MRC2: variants seen among roughly 807,000 people sequenced by gnomAD.
MRC2 encodes the protein C-type mannose receptor 2.
Under a neutral mutation model 206.2 loss-of-function variants are expected in MRC2, and 84 were observed. That is an observed-to-expected ratio of 0.41 (90% CI 0.34 to 0.49). The LOEUF (loss-of-function observed/expected upper bound fraction) is 0.49. Ranked by LOEUF, MRC2 falls within the 20% of genes least tolerant of loss-of-function variation. MRC2 has a pLI of 0.31. For missense variants in MRC2, 1,676 were observed against 2,001.5 expected (o/e 0.84, Z 3.10); for synonymous variants, 798 against 800.0 (o/e 1.00, Z 0.04).
rs2088882914 is a variant in MRC2, at chr17:62,675,721, G to A, written c.1570-69G>A. On this transcript the variant is annotated intron_variant, in intron 9 of 29. Transcript: ENST00000303375. This position sits in a 1 kb window ranked among gnomAD's most constrained non-coding sequence, Gnocchi z 4.1. Reference sequence around the variant, plus strand: ...GTCCCTGATGGCATCTCCCACCACAGGATTTATGGGTGAGGGTGGAGAGTC... The same window carrying A: ...GTCCCTGATGGCATCTCCCACCACAAGATTTATGGGTGAGGGTGGAGAGTC... The A allele has an allele frequency of 3.3e-5, 42 of 1,265,632 alleles. No homozygotes were observed. The South Asian group carries it at 4.6e-4, about 14-fold the overall frequency. The allele number at this position is 1,265,632 out of a possible 1,614,324, so 78.4% of individuals were successfully genotyped here. A position where few individuals can be genotyped will look rare whatever the true frequency, so the allele number is the denominator to read the frequency against.
intron 28 of MRC2, 141 bp downstream of exon 28, chr17:62,691,269 C>T: frequency 2.1e-6 from 2 of 972,742 alleles, no homozygotes; most frequent in Non-Finnish European, 2.9e-6. Context: ...GCAGCTGGGA[C>T]CCCCGGGATA....
At chr17:62,635,658 G>T (rs983343217) in intron 1 of MRC2, among the ~76,000 whole-genome samples, 1 of 152,172 alleles carries the variant, frequency 6.6e-6, no homozygotes, top group African/African-American at 2.4e-5. Flanking sequence ...GGCCTCAATT[G>T]TAAGAATGGG....
intron 1 of MRC2, among the ~76,000 whole-genome samples, chr17:62,655,721 T>TAAAAA (rs71155946): frequency 7.9e-6 from 1 of 126,160 alleles, no homozygotes; most frequent in Non-Finnish European, 1.6e-5. Context: ...TCTGTCTCTT[T>TAAAAA]AAAAAAAAAA....
Position 62,662,967 on chromosome 17 carries a change from A to T in MRC2, c.119-1581A>T, listed in dbSNP as rs1468631503. 2.6e-5 allele frequency among the ~76,000 whole-genome samples: 4 copies of T among 152,348 alleles called. No individual in the cohort carries two copies. In the East Asian group the frequency reaches 7.7e-4, roughly 29 times the overall value. ...ATAAACACTAGCAGTCGGATTCATC[A>T]TTTCAACACATGAAAAGTATCCTGG... On this transcript the variant is annotated intron_variant, in intron 1 of 29. Coordinates refer to ENST00000303375, the MANE Select transcript of MRC2 (RefSeq NM_006039.5).
At chr17:62,687,194 C>T (rs2089042411) in intron 20 of MRC2, among the ~76,000 whole-genome samples, 1 of 152,028 alleles carries the variant, frequency 6.6e-6, no homozygotes, top group Admixed American at 6.6e-5. Flanking sequence ...GAGTTTCGCT[C>T]TTGTTGCCCA....
At chr17:62,685,941 A>G (rs571144146) in intron 20 of MRC2, among the ~76,000 whole-genome samples, 1 of 152,260 alleles carries the variant, frequency 6.6e-6, no homozygotes, top group East Asian at 1.9e-4. Context: ...GTGTCCCTAT[A>G]GCATTTGGAT....
chr17:62,664,626 C>G lies in MRC2; in HGVS notation c.197C>G (p.Pro66Arg). Reference protein sequence around the residue: ...EAQGGQVRVTPACNTSLPAQR... With the variant: ...EAQGGQVRVTRACNTSLPAQR... ...CAGGGCGGGCAGGTCAGAGTCACCC[C>G]GGCTTGCAATACCAGCCTCCCTGCC... is the stretch of plus-strand genomic sequence containing the variant. The change falls in exon 2 of 30, where the codon CCG (proline) becomes CGG (arginine). Residue 66 changes from proline (P) to arginine (R), a missense_variant. This residue lies in a region of MRC2 where 318 missense variants were observed against 346.7 expected (regional missense o/e 0.92). Transcript: ENST00000303375. The surrounding 1 kb of genome is among the most constrained non-coding windows in gnomAD (Gnocchi z 4.7). The G allele has an allele frequency of 6.2e-7, 1 of 1,613,592 alleles. No homozygotes were observed. The highest frequency in any genetic ancestry group is 8.5e-7 in the Non-Finnish European group (1 of 1,180,016).
chr17:62,643,514 C>A (rs1428418960), intron 1 of MRC2, among the ~76,000 whole-genome samples: 1 of 151,986 alleles, frequency 6.6e-6, no homozygotes, highest in African/African-American at 2.4e-5. Context: ...GGATCTGTAA[C>A]AAACATGGCA....
At chr17:62,655,062 G>T (rs916074577) in intron 1 of MRC2, among the ~76,000 whole-genome samples, 4 of 152,206 alleles carry the variant, frequency 2.6e-5, no homozygotes, top group Non-Finnish European at 5.9e-5. Context: ...GAGGCAGGCG[G>T]ATCACGAGGT....
chr17:62,669,085 A>AACACACACAC (rs72222842), intron 6 of MRC2, among the ~76,000 whole-genome samples: 42 of 143,164 alleles, frequency 2.9e-4, no homozygotes, highest in South Asian at 9.2e-4. Context: ...AAAATATGGC[A>AACACACACAC]ACACACACAC....
In MRC2 at chr17:62,664,919, G is replaced by C. The variant is rs781229980; in HGVS notation, c.490G>C (p.Glu164Gln). The C allele has an allele frequency of 1.9e-6, 3 of 1,611,350 alleles. No homozygotes were observed. The highest frequency in any genetic ancestry group is 2.5e-6 in the Non-Finnish European group (3 of 1,179,754). The change falls in exon 2 of 30, where the codon GAG becomes CAG. Residue 164 changes from glutamate (E) to glutamine (Q), a missense_variant. This residue lies in a region of MRC2 where 318 missense variants were observed against 346.7 expected (regional missense o/e 0.92). Coordinates refer to ENST00000303375, the MANE Select transcript of MRC2 (RefSeq NM_006039.5). The surrounding 1 kb of genome is among the most constrained non-coding windows in gnomAD (Gnocchi z 4.7). ...TGGCCAGTGGCGCATCTACGGCAGC[G>C]AGGAGGACCTATGTGCTCTGCCCTA... ...RSGQWRIYGS[E>Q]EDLCALPYHE...
intron 20 of MRC2, among the ~76,000 whole-genome samples, chr17:62,685,191 AC>A (rs2089018329): frequency 2.0e-5 from 3 of 152,038 alleles, no homozygotes; most frequent in African/African-American, 7.2e-5. Context: ...CACCTCTTCT[AC>A]CTTAAAAAAT....
Position 62,680,661 on chromosome 17 carries a change from G to T in MRC2, c.2474-139G>T, listed in dbSNP as rs1274380364. On this transcript the variant is annotated intron_variant, in intron 16 of 29. Coordinates refer to ENST00000303375, the MANE Select transcript of MRC2 (RefSeq NM_006039.5). The surrounding 1 kb of genome is among the most constrained non-coding windows in gnomAD (Gnocchi z 4.8). ...AAGCCTGGGGCCTGGGGCCTGGCAC[G>T]GTGCCTGCCTGGGTCCGGTGTGCCT... 1.6e-6 allele frequency: 2 copies of T among 1,286,036 alleles called. No homozygotes were observed. Among genetic ancestry groups the T allele is most frequent in the Admixed American group, 2.9e-5 (1 of 34,682 alleles). The allele number at this position is 1,286,036 out of a possible 1,614,324, so 79.7% of individuals were successfully genotyped here.
rs779047023 is a variant in MRC2, at chr17:62,664,885, G to C, written c.456G>C (p.Gln152His). 6 of 1,613,500 alleles carry C rather than the reference G, an allele frequency of 3.7e-6. No homozygotes were observed. Among genetic ancestry groups the C allele is most frequent in the Non-Finnish European group, 5.1e-6 (6 of 1,180,010 alleles). ...CTGGCACCCTTGAGCGTGGTGACCA[G>C]ACCCGCAGTGGCCAGTGGCGCATCT... The part of the protein sequence containing the change: ...SKPGTLERGD[Q>H]TRSGQWRIYG... Residue 152 changes from glutamine (Q) to histidine (H), a missense_variant, in exon 2 of 30, where the codon CAG becomes CAC. Around this residue, in one of 3 missense-constraint regions of MRC2, gnomAD observed 318 missense variants for 346.7 expected, o/e 0.92. Transcript: ENST00000303375. The surrounding 1 kb of genome is among the most constrained non-coding windows in gnomAD (Gnocchi z 4.7).
chr17:62,676,743 C>T (rs1262035574), intron 11 of MRC2: 6 of 526,514 alleles, frequency 1.1e-5, no homozygotes, highest in African/African-American at 7.8e-5. Context: ...CCTCAGTTTT[C>T]TCATCTGTCC....
chr17:62,681,945 C>G lies in MRC2; in HGVS notation c.2803+8C>G. ...ACATGACAGCCAGCCGAGGTGAGGGCAAGGTGGGGGCAGAGTGCGCAGTCA... is the reference window on the plus strand; with the variant it reads ...ACATGACAGCCAGCCGAGGTGAGGGGAAGGTGGGGGCAGAGTGCGCAGTCA... On this transcript the variant is annotated splice_region_variant and intron_variant, in intron 19 of 29. Coordinates refer to ENST00000303375, the MANE Select transcript of MRC2 (RefSeq NM_006039.5). 1 of 1,611,690 alleles carries G rather than the reference C, an allele frequency of 6.2e-7. No homozygotes were observed. Among genetic ancestry groups the G allele is most frequent in the Non-Finnish European group, 8.5e-7 (1 of 1,178,700 alleles).
In MRC2 at chr17:62,678,530, CAAG is replaced by C; in HGVS notation, c.2084_2086del (p.Lys695del). 3.1e-6 allele frequency: 5 copies of C among 1,612,402 alleles called. No individual in the cohort carries two copies. The highest frequency in any genetic ancestry group is 4.2e-6 in the Non-Finnish European group (5 of 1,179,432). Reference sequence around the variant, plus strand: ...TGTTCAGCTCAGAGCGGCTGCAGGACAAGAAGAGCTGGGTCCAGGCCCAGGGGG... The same window carrying C: ...TGTTCAGCTCAGAGCGGCTGCAGGACAAGAGCTGGGTCCAGGCCCAGGGGG... On this transcript the variant is annotated inframe_deletion, in exon 13 of 30. Transcript: ENST00000303375.
chr17:62,690,508 AC>A lies in MRC2; in HGVS notation c.3893-133del. 3.6e-6 allele frequency: 5 copies of A among 1,390,516 alleles called. No individual in the cohort carries two copies. The Admixed American group carries it at 9.0e-5, about 25-fold the overall frequency. The allele number at this position is 1,390,516 out of a possible 1,614,324, so 86.1% of individuals were successfully genotyped here. A position where few individuals can be genotyped will look rare whatever the true frequency, so the allele number is the denominator to read the frequency against. On this transcript the variant is annotated intron_variant, in intron 26 of 29. Transcript: ENST00000303375. ...CCCCCACACACTTGCACATGTGCAC[AC>A]ACACACACATGAATCCACAGACTCC...
chr17:62,671,368 G>A lies in MRC2; in HGVS notation c.1118-281G>A, dbSNP rs2088823408. Reference sequence around the variant, plus strand: ...TTACAGGCCTGAGCCACCATGCCTGGCCCACCCATCGTATTCTGAGAGCCA... The same window carrying A: ...TTACAGGCCTGAGCCACCATGCCTGACCCACCCATCGTATTCTGAGAGCCA... On this transcript the variant is annotated intron_variant, in intron 6 of 29. Transcript: ENST00000303375. This position sits in a 1 kb window ranked among gnomAD's most constrained non-coding sequence, Gnocchi z 4.5. Among the ~76,000 whole-genome samples the A allele has an allele frequency of 6.6e-6, 1 of 152,220 alleles. No homozygotes were observed. The highest frequency in any genetic ancestry group is 6.5e-5 in the Admixed American group (1 of 15,282).
Sources: gnomAD v4.1 joint callset for allele counts (sites outside exome capture counted in the v4.1 genomes callset) on GRCh38, gnomAD v4.1.1 for gene constraint, gnomAD v4.1.1 regional missense constraint, Gnocchi (gnomAD v3.1) non-coding constraint, MANE v1.5 for transcripts, NCBI Gene and HGNC (gene_info 2026-07-23, HGNC 2026-07-21) for gene names.